The following CACNB2 variants were observed in gnomAD, a reference collection of about 807,000 sequenced individuals.
The protein encoded by CACNB2 is voltage-dependent L-type calcium channel subunit beta-2.
CACNB2 carries 42 observed loss-of-function variants against 73.3 expected under a neutral mutation model. The observed-to-expected ratio is 0.57, with a 90% CI of 0.45 to 0.74. CACNB2 has a LOEUF of 0.74. Ranked by LOEUF, CACNB2 falls within the 30% of genes least tolerant of loss-of-function variation. The pLI, the probability that CACNB2 is intolerant of heterozygous loss-of-function variation, is 0.00. For missense variants in CACNB2, 940 were observed against 853.0 expected, an observed-to-expected ratio of 1.10 and a Z score of -1.27; for synonymous variants, 348 against 310.3, an observed-to-expected ratio of 1.12 and a Z score of -1.28.
intron 12 of CACNB2, 69 bp downstream of exon 12, chr10:18,536,265 TTTTTTTTTG>T (rs2053578869): frequency 4.3e-6 from 2 of 462,046 alleles, no homozygotes; most frequent in Non-Finnish European, 3.5e-6. Flanking sequence ...TTTTTTTTTT[TTTTTTTTTG>T]GGGGACAAGG....
At chr10:18,382,648 T>C (rs530901228) in intron 2 of CACNB2, among the ~76,000 whole-genome samples, 1 of 152,322 alleles carries the variant, frequency 6.6e-6, no homozygotes, top group Non-Finnish European at 1.5e-5. Context: ...TGTTTGGTTT[T>C]CTGTTCCTGT....
chr10:18,297,828 T>G (rs1319143388), intron 2 of CACNB2, among the ~76,000 whole-genome samples: 2 of 152,180 alleles, frequency 1.3e-5, no homozygotes, highest in Admixed American at 1.3e-4. Flanking sequence ...TGGAGTGCAC[T>G]ATCCCTCCAC....
At chr10:18,311,188 C>G (rs1007150068) in intron 2 of CACNB2, among the ~76,000 whole-genome samples, 2 of 152,062 alleles carry the variant, frequency 1.3e-5, no homozygotes, top group Non-Finnish European at 2.9e-5. Flanking sequence ...ACCTTTTAGG[C>G]TCTTCTTTCT....
chr10:18,444,202 C>A (rs1206949510), intron 3 of CACNB2, among the ~76,000 whole-genome samples: 2 of 151,954 alleles, frequency 1.3e-5, no homozygotes, highest in Non-Finnish European at 2.9e-5. Context: ...AGGGTGGAGC[C>A]CTCATGAATG....
In CACNB2 at chr10:18,542,918, T is replaced by C. The variant is rs2054128522; in HGVS notation, c.*3194T>C. The C allele has an allele frequency of 1.3e-5, 2 of 150,722 alleles. No homozygotes were observed. Among genetic ancestry groups the C allele is most frequent in the Non-Finnish European group, 2.9e-5 (2 of 67,798 alleles). The allele number at this position is 150,722 out of a possible 1,614,324, so 9.3% of individuals were successfully genotyped here. On this transcript the variant is annotated 3_prime_UTR_variant, in exon 14 of 14. Coordinates refer to ENST00000324631, the MANE Select transcript of CACNB2 (RefSeq NM_201596.3). Reference sequence around the variant, plus strand: ...TTTTTTTTGGTCATATCCATTTCAGTCTTTCCTATGCTCTTTCTCTACTGC... The same window carrying C: ...TTTTTTTTGGTCATATCCATTTCAGCCTTTCCTATGCTCTTTCTCTACTGC...
intron 2 of CACNB2, among the ~76,000 whole-genome samples, chr10:18,187,910 A>G (rs1043712881): frequency 6.6e-6 from 1 of 152,128 alleles, no homozygotes; most frequent in African/African-American, 2.4e-5. Flanking sequence ...AATTGTGGAG[A>G]AGTCTTAAAT....
chr10:18,372,775 C>G (rs986335033), intron 2 of CACNB2, among the ~76,000 whole-genome samples: 2 of 152,282 alleles, frequency 1.3e-5, no homozygotes, highest in Middle Eastern at 3.4e-3. Context: ...GTTATTTAAA[C>G]TATCTGCACT....
chr10:18,440,314 A>C (rs558008007), intron 3 of CACNB2, among the ~76,000 whole-genome samples: 1 of 152,284 alleles, frequency 6.6e-6, no homozygotes, highest in African/African-American at 2.4e-5. Flanking sequence ...TTGGGGGAAC[A>C]TGTTCAGTCC....
chr10:18,292,933 G>T (rs1463767294), intron 2 of CACNB2, among the ~76,000 whole-genome samples: 1 of 152,114 alleles, frequency 6.6e-6, no homozygotes, highest in Non-Finnish European at 1.5e-5. Context: ...TTTATTATTA[G>T]ATCATCATTA....
intron 2 of CACNB2, among the ~76,000 whole-genome samples, chr10:18,344,285 C>T (rs2132090018): frequency 6.6e-6 from 1 of 152,156 alleles, no homozygotes; most frequent in East Asian, 1.9e-4. Context: ...TTACTTTGCC[C>T]CATAAAACGA....
At chr10:18,308,339 T>C (rs2039824920) in intron 2 of CACNB2, among the ~76,000 whole-genome samples, 1 of 152,144 alleles carries the variant, frequency 6.6e-6, no homozygotes, top group African/African-American at 2.4e-5. Flanking sequence ...CAGGGGTACA[T>C]GTGCAGGTTT....
intron 2 of CACNB2, among the ~76,000 whole-genome samples, chr10:18,217,985 T>G (rs532273568): frequency 6.6e-6 from 1 of 152,280 alleles, no homozygotes; most frequent in South Asian, 2.1e-4. Flanking sequence ...CCCTTGTGTC[T>G]TCGGTATAAT....
intron 3 of CACNB2, among the ~76,000 whole-genome samples, chr10:18,469,350 C>G (rs2048062699): frequency 6.6e-6 from 1 of 152,254 alleles, no homozygotes; most frequent in African/African-American, 2.4e-5. Flanking sequence ...ATCATTCCTT[C>G]CTTCACACCA....
intron 2 of CACNB2, among the ~76,000 whole-genome samples, chr10:18,390,891 A>T (rs571714624): frequency 6.6e-6 from 1 of 152,344 alleles, no homozygotes; most frequent in Non-Finnish European, 1.5e-5. Flanking sequence ...TTAGCCAGAG[A>T]ATTATTTACA....
chr10:18,481,077 G>T (rs1454811909), intron 3 of CACNB2, among the ~76,000 whole-genome samples: 1 of 150,644 alleles, frequency 6.6e-6, no homozygotes, highest in Non-Finnish European at 1.5e-5. Flanking sequence ...GCCACAGGTG[G>T]TGTGCTGTGA....
chr10:18,434,633 T>C (rs527754397), intron 3 of CACNB2, among the ~76,000 whole-genome samples: 4 of 152,262 alleles, frequency 2.6e-5, no homozygotes, highest in African/African-American at 9.6e-5. Flanking sequence ...ACTTCTGGGC[T>C]CAAACAATCC....
At chr10:18,199,941 C>CTCTGTGTG (rs1554768681) in intron 2 of CACNB2, among the ~76,000 whole-genome samples, 1 of 136,412 alleles carries the variant, frequency 7.3e-6, no homozygotes, top group Non-Finnish European at 1.6e-5. Context: ...GTATATGAAA[C>CTCTGTGTG]TGTGTGTGTG....
At chr10:18,425,069 G>A (rs1210428666) in intron 3 of CACNB2, among the ~76,000 whole-genome samples, 1 of 152,172 alleles carries the variant, frequency 6.6e-6, no homozygotes, top group African/African-American at 2.4e-5. Flanking sequence ...ATCACTGTAG[G>A]AGAGTTTTCA....
At chr10:18,360,027 G>A in intron 2 of CACNB2, among the ~76,000 whole-genome samples, 1 of 152,138 alleles carries the variant, frequency 6.6e-6, no homozygotes, top group Non-Finnish European at 1.5e-5. Flanking sequence ...GGTAAGAACA[G>A]TACAGGAGCA....
Sources: gnomAD v4.1 joint callset for allele counts (sites outside exome capture counted in the v4.1 genomes callset) on GRCh38, gnomAD v4.1.1 for gene constraint, MANE v1.5 for transcripts, NCBI Gene and HGNC (gene_info 2026-07-23, HGNC 2026-07-21) for gene names.